PDE1A: variants seen among roughly 807,000 people sequenced by gnomAD.
PDE1A encodes the protein phosphodiesterase 1A.
Under a neutral mutation model 61.7 loss-of-function variants are expected in PDE1A, and 35 were observed. The ratio of observed to expected loss-of-function variants is 0.57; its 90% CI spans 0.43 to 0.75. The LOEUF (loss-of-function observed/expected upper bound fraction) is 0.75, where lower values mean the gene tolerates loss of function less well. PDE1A is among the 30% of genes least tolerant of loss of function. The probability of loss-of-function intolerance (pLI) is 0.00; values close to 1 mark genes in which losing one functional copy is unlikely to be tolerated. For missense variants in PDE1A, 597 were observed against 630.6 expected (o/e 0.95, Z 0.57); for synonymous variants, 232 against 213.2 (o/e 1.09, Z -0.77).
At chr2:182,514,112 C>G (rs2125965045) in intron 2 of PDE1A, among the ~76,000 whole-genome samples, 1 of 152,282 alleles carries the variant, frequency 6.6e-6, no homozygotes, top group South Asian at 2.1e-4. Flanking sequence ...CCTAGAAATA[C>G]TACTAACCAG....
chr2:182,628,342 T>G, the PDE1A span, among the ~76,000 whole-genome samples: 1 of 152,196 alleles, frequency 6.6e-6, no homozygotes, highest in African/African-American at 2.4e-5. Context: ...ATAAGACAAA[T>G]ATATTTTCAC....
chr2:182,391,149 G>A (rs1224704150), intron 1 of PDE1A, among the ~76,000 whole-genome samples: 2 of 152,106 alleles, frequency 1.3e-5, no homozygotes, highest in Non-Finnish European at 2.9e-5. Flanking sequence ...GATAATGGTG[G>A]AAAGAATATA....
chr2:182,174,898 C>G (rs1692591366), intron 13 of PDE1A, among the ~76,000 whole-genome samples: 1 of 152,116 alleles, frequency 6.6e-6, no homozygotes, highest in Non-Finnish European at 1.5e-5. Context: ...TCCCCTAGCT[C>G]CCCACCCTCT....
intron 1 of PDE1A, among the ~76,000 whole-genome samples, chr2:182,289,354 G>T (rs2125879565): frequency 6.6e-6 from 1 of 150,992 alleles, no homozygotes; most frequent in African/African-American, 2.4e-5. Context: ...CAAGAAGAAA[G>T]ACATTATGGG....
chr2:182,449,369 G>A lies in PDE1A; in HGVS notation c.101+72907C>T, dbSNP rs144566938. Reference sequence around the variant, plus strand: ...AGGAAGGAAGGAAGGGAGGGAGGGAGGACGAGCGGGCAAAATAACACAAAA... The same window carrying A: ...AGGAAGGAAGGAAGGGAGGGAGGGAAGACGAGCGGGCAAAATAACACAAAA... On this transcript the variant is annotated intron_variant, in intron 2 of 14. Transcript: ENST00000410103. Among the ~76,000 whole-genome samples the A allele has an allele frequency of 1.0e-3, 154 of 151,572 alleles. 6 individuals are homozygous for A. The South Asian group carries it at 0.03, about 30-fold the overall frequency.
chr2:182,333,753 G>C (rs1177038044), intron 1 of PDE1A, among the ~76,000 whole-genome samples: 1 of 152,110 alleles, frequency 6.6e-6, no homozygotes, highest in Non-Finnish European at 1.5e-5. Context: ...AGGAGATAGA[G>C]ACACGAAAAA....
At chr2:182,526,463 T>C (rs1042416155), upstream of PDE1A, among the ~76,000 whole-genome samples, 2 of 152,086 alleles carry the variant, frequency 1.3e-5, no homozygotes, top group African/African-American at 4.8e-5. Context: ...CCCAGAAAGA[T>C]AGAAACCATA....
chr2:182,496,603 G>A (rs1433137336), intron 2 of PDE1A, among the ~76,000 whole-genome samples: 1 of 152,172 alleles, frequency 6.6e-6, no homozygotes, highest in South Asian at 2.1e-4. Flanking sequence ...AATTGAAAGG[G>A]GCCTGAAAGC....
intron 13 of PDE1A, among the ~76,000 whole-genome samples, chr2:182,157,611 G>A (rs1014639224): frequency 1.3e-5 from 2 of 151,792 alleles, no homozygotes; most frequent in East Asian, 1.9e-4. Flanking sequence ...TTTTCTCTTC[G>A]TTTTTTTCGT....
intron 1 of PDE1A, among the ~76,000 whole-genome samples, chr2:182,311,327 T>TA (rs1438323593): frequency 6.6e-6 from 1 of 152,248 alleles, no homozygotes; most frequent in African/African-American, 2.4e-5. Flanking sequence ...TTCATGTGCA[T>TA]AAATATATTT....
At chr2:182,198,836 T>G (rs1483891787) in intron 10 of PDE1A, among the ~76,000 whole-genome samples, 1 of 151,956 alleles carries the variant, frequency 6.6e-6, no homozygotes, top group African/African-American at 2.4e-5. Context: ...TGTCAAATTT[T>G]CCTCTTCCTC....
At chr2:182,674,332 T>C in the PDE1A span, among the ~76,000 whole-genome samples, 57 of 152,166 alleles carry the variant, frequency 3.7e-4, no homozygotes, top group African/African-American at 1.2e-3. Context: ...TTAGGTACCA[T>C]AGACAAACAC....
intron 2 of PDE1A, among the ~76,000 whole-genome samples, chr2:182,516,744 A>AAGGAAGGAAGG (rs1690195358): frequency 1.4e-5 from 1 of 71,108 alleles, no homozygotes; most frequent in Admixed American, 1.2e-4. Flanking sequence ...AAGGAAGGAA[A>AAGGAAGGAAGG]AAGAGAGAAA....
At chr2:182,537,498 G>C in the PDE1A span, among the ~76,000 whole-genome samples, 5 of 152,008 alleles carry the variant, frequency 3.3e-5, no homozygotes, top group African/African-American at 1.2e-4. Context: ...GGACCTGTCG[G>C]GGGATTGGGG....
the PDE1A span, among the ~76,000 whole-genome samples, chr2:182,576,733 T>C: frequency 1.3e-5 from 2 of 152,180 alleles, no homozygotes; most frequent in South Asian, 2.1e-4. Flanking sequence ...ATCTGTTATT[T>C]TGTTTTGTGT....
chr2:182,505,726 A>T (rs1689367128), intron 2 of PDE1A, among the ~76,000 whole-genome samples: 1 of 152,180 alleles, frequency 6.6e-6, no homozygotes, highest in Admixed American at 6.5e-5. Context: ...TAAGCCTTTG[A>T]TTGTGTCACA....
At chr2:182,713,902 TA>T in the PDE1A span, among the ~76,000 whole-genome samples, 1 of 152,234 alleles carries the variant, frequency 6.6e-6, no homozygotes, top group Non-Finnish European at 1.5e-5. Flanking sequence ...AGCCAATCTT[TA>T]GTCTACTACA....
chr2:182,517,507 A>T (rs947701026), intron 2 of PDE1A, among the ~76,000 whole-genome samples: 2 of 152,226 alleles, frequency 1.3e-5, no homozygotes, highest in Non-Finnish European at 2.9e-5. Context: ...TGTGCTAAGT[A>T]CTGTGCTATG....
chr2:182,475,872 AC>A (rs1407464696), intron 2 of PDE1A, among the ~76,000 whole-genome samples: 3 of 151,960 alleles, frequency 2.0e-5, no homozygotes, highest in Non-Finnish European at 4.4e-5. Context: ...ATTTCTGTTC[AC>A]TGGTTTCTGA....
Sources: gnomAD v4.1 joint callset for allele counts (sites outside exome capture counted in the v4.1 genomes callset) on GRCh38, gnomAD v4.1.1 for gene constraint, MANE v1.5 for transcripts, NCBI Gene and HGNC (gene_info 2026-07-23, HGNC 2026-07-21) for gene names.